The following DSCAML1 variants were observed in gnomAD, a reference collection of about 807,000 sequenced individuals.
DSCAML1 encodes the protein DS cell adhesion molecule like 1, also known as cell adhesion molecule DSCAML1.
DSCAML1 carries 38 observed loss-of-function variants against 200.5 expected under a neutral mutation model. That is an observed-to-expected ratio of 0.19 (90% CI 0.15 to 0.25). DSCAML1 has a LOEUF of 0.25. DSCAML1 is among the 10% of genes least tolerant of loss of function. DSCAML1 has a pLI of 1.00. For missense variants in DSCAML1, 2,223 were observed against 2,858.8 expected, an observed-to-expected ratio of 0.78 and a Z score of 5.07; for synonymous variants, 1,215 against 1,165.0, an observed-to-expected ratio of 1.04 and a Z score of -0.87.
At chr11:117,811,614 A>G (rs182179668) in intron 1 of DSCAML1, among the ~76,000 whole-genome samples, 18 of 152,292 alleles carry the variant, frequency 1.2e-4, no homozygotes, top group African/African-American at 4.1e-4. Flanking sequence ...ATTCCTCCTA[A>G]GCCGTGTCCC....
intron 3 of DSCAML1, among the ~76,000 whole-genome samples, chr11:117,656,791 C>T (rs775786068): frequency 2.0e-5 from 3 of 152,164 alleles, no homozygotes; most frequent in Non-Finnish European, 4.4e-5. Context: ...GTGTCCAGTC[C>T]ATGCCCAGGC....
At chr11:117,446,708 A>C (rs2048184267) in intron 20 of DSCAML1, among the ~76,000 whole-genome samples, 1 of 152,246 alleles carries the variant, frequency 6.6e-6, no homozygotes, top group Non-Finnish European at 1.5e-5. Flanking sequence ...GGTGCAAAGG[A>C]CAATACTGTT....
Position 117,642,985 on chromosome 11 carries a change from G to T in DSCAML1, c.512-110463C>A, listed in dbSNP as rs2052442873. 6.6e-6 allele frequency among the ~76,000 whole-genome samples: 1 copy of T among 152,164 alleles called. No individual in the cohort carries two copies. The highest frequency in any genetic ancestry group is 2.1e-4 in the South Asian group (1 of 4,822). On this transcript the variant is annotated intron_variant, in intron 3 of 32. Transcript: ENST00000651296. This position sits in a 1 kb window ranked among gnomAD's most constrained non-coding sequence, Gnocchi z 4.1. ...AAAACTCCTTTGATTTGCCTGTATT[G>T]CAATCTTCACTGAAACCTTTAACCC...
At chr11:117,766,618 T>C (rs2054901668) in intron 3 of DSCAML1, among the ~76,000 whole-genome samples, 1 of 152,206 alleles carries the variant, frequency 6.6e-6, no homozygotes, top group Non-Finnish European at 1.5e-5. Context: ...CAATGCTGCT[T>C]GCTCTGTGTC....
chr11:117,471,835 GC>G (rs755558995), intron 15 of DSCAML1, 33 bp downstream of exon 15: 8 of 1,589,214 alleles, frequency 5.0e-6, no homozygotes, highest in East Asian at 4.5e-5. Context: ...GATCCCTGAG[GC>G]CATGGGCAGG....
At chr11:117,781,161 C>A (rs1034165156) in intron 1 of DSCAML1, among the ~76,000 whole-genome samples, 9 of 151,758 alleles carry the variant, frequency 5.9e-5, no homozygotes, top group Admixed American at 5.3e-4. Flanking sequence ...GCCGTGCACA[C>A]GCGTCTGTAG....
chr11:117,602,982 GC>G (rs1484827444), intron 3 of DSCAML1, among the ~76,000 whole-genome samples: 1 of 152,190 alleles, frequency 6.6e-6, no homozygotes, highest in Non-Finnish European at 1.5e-5. Flanking sequence ...TGTAATCCCA[GC>G]CACTTGGGAG....
In DSCAML1 at chr11:117,724,417, G is replaced by A. The variant is rs372147676; in HGVS notation, c.511+52374C>T. 7.9e-5 allele frequency among the ~76,000 whole-genome samples: 12 copies of A among 152,292 alleles called. No individual in the cohort carries two copies. The East Asian group carries it at 1.7e-3, about 22-fold the overall frequency. On this transcript the variant is annotated intron_variant, in intron 3 of 32. Coordinates refer to ENST00000651296, the MANE Select transcript of DSCAML1 (RefSeq NM_020693.4). ...GGGGGCTGGGCTGTGGAAGGTGAGG[G>A]TGGGAGGTAGGAGGCACCCTGCCTG...
At chr11:117,669,829 G>A (rs1008649976) in intron 3 of DSCAML1, among the ~76,000 whole-genome samples, 4 of 152,354 alleles carry the variant, frequency 2.6e-5, no homozygotes, top group South Asian at 2.1e-4. Flanking sequence ...ATCCTGGTTC[G>A]TCTGAGAAAC....
chr11:117,595,437 G>A (rs1033636642), intron 3 of DSCAML1, among the ~76,000 whole-genome samples: 2 of 152,150 alleles, frequency 1.3e-5, no homozygotes, highest in African/African-American at 2.4e-5. Flanking sequence ...ATCAGGTTGC[G>A]TATGCAGTTT....
At chr11:117,582,257 T>C (rs1399408632) in intron 3 of DSCAML1, among the ~76,000 whole-genome samples, 1 of 152,238 alleles carries the variant, frequency 6.6e-6, no homozygotes, top group Non-Finnish European at 1.5e-5. Flanking sequence ...GGACCTGGGA[T>C]GTGGTATGGT....
intron 1 of DSCAML1, among the ~76,000 whole-genome samples, chr11:117,790,161 C>T (rs1458215884): frequency 2.6e-5 from 4 of 152,246 alleles, no homozygotes; most frequent in Non-Finnish European, 4.4e-5. Flanking sequence ...CCAGTGAATA[C>T]TGTGACCTTA....
At chr11:117,619,153 A>T (rs2051874548) in intron 3 of DSCAML1, among the ~76,000 whole-genome samples, 1 of 152,124 alleles carries the variant, frequency 6.6e-6, no homozygotes, top group African/African-American at 2.4e-5. Flanking sequence ...GCTTCCCGTA[A>T]GGGCTGCCAA....
chr11:117,641,927 C>T (rs1319828583), intron 3 of DSCAML1, among the ~76,000 whole-genome samples: 1 of 152,148 alleles, frequency 6.6e-6, no homozygotes, highest in Non-Finnish European at 1.5e-5. Flanking sequence ...AACTGAGACT[C>T]AGGGACCTCA....
intron 3 of DSCAML1, among the ~76,000 whole-genome samples, chr11:117,636,103 A>T (rs1478815802): frequency 1.3e-5 from 2 of 152,120 alleles, no homozygotes; most frequent in African/African-American, 2.4e-5. Flanking sequence ...GAAGCCAGGG[A>T]CCTTGCCCTG....
At chr11:117,537,181 A>G (rs2050187068) in intron 3 of DSCAML1, among the ~76,000 whole-genome samples, 1 of 152,192 alleles carries the variant, frequency 6.6e-6, no homozygotes, top group Non-Finnish European at 1.5e-5. Flanking sequence ...GCTTCTGTCA[A>G]TGAGGTCCTC....
chr11:117,769,162 TTATATATTTTATATATATTATACA>T (rs1410816641), intron 3 of DSCAML1, among the ~76,000 whole-genome samples: 13 of 24,506 alleles, frequency 5.3e-4, no homozygotes, highest in Admixed American at 2.1e-3. Context: ...TTTATATATA[TTATATATTTTATATATATTATACA>T]TATATATTTT....
At chr11:117,459,124 G>A (rs556103976) in intron 18 of DSCAML1, among the ~76,000 whole-genome samples, 17 of 152,352 alleles carry the variant, frequency 1.1e-4, no homozygotes, top group Non-Finnish European at 1.5e-4. Context: ...CAGTGAGGGC[G>A]AGCCACAGAT....
At chr11:117,801,455 A>G (rs1007075360), upstream of DSCAML1, 1 of 152,300 alleles carries the variant, frequency 6.6e-6, no homozygotes, top group African/African-American at 2.4e-5. Context: ...ACAGATATTC[A>G]GAAACTAATA....
Sources: allele counts gnomAD v4.1 joint callset (sites outside exome capture counted in the v4.1 genomes callset), GRCh38; gene constraint gnomAD v4.1.1; non-coding constraint Gnocchi (gnomAD v3.1); transcripts MANE v1.5; gene names NCBI Gene and HGNC (gene_info 2026-07-23, HGNC 2026-07-21).